Variants in SHQ1 observed in about 807,000 individuals in gnomAD.
SHQ1 encodes SHQ1, H/ACA ribonucleoprotein assembly factor.
Under a neutral mutation model 53.8 loss-of-function variants are expected in SHQ1, and 49 were observed. That is an observed-to-expected ratio of 0.91 (90% CI 0.72 to 1.16). The LOEUF (loss-of-function observed/expected upper bound fraction) is 1.16. Ranked by LOEUF, SHQ1 falls within the 50% of genes most tolerant of loss-of-function variation. The probability of loss-of-function intolerance (pLI) is 0.00; values close to 1 mark genes in which losing one functional copy is unlikely to be tolerated. For synonymous variants in SHQ1, 243 were observed against 251.0 expected (o/e 0.97, Z 0.30); for missense variants, 738 against 683.1 (o/e 1.08, Z -0.90).
rs1217287943 is a variant in SHQ1 at position 72,841,219 on chromosome 3, AT to A, written c.332-21del. ...AAGCACCTGAATGTGTTAAATTTTA[AT>A]TTTTTTTAAGTATTGGATTTAAGTA... On this transcript the variant is annotated intron_variant, in intron 3 of 10. Transcript: ENST00000325599. The A allele has an allele frequency of 9.4e-6, 15 of 1,588,548 alleles. No homozygotes were observed. Among genetic ancestry groups the A allele is most frequent in the South Asian group, 2.3e-5 (2 of 86,110 alleles).
At chr3:72,765,559 T>A (rs56213009) in intron 10 of SHQ1, among the ~76,000 whole-genome samples, 1,319 of 98,602 alleles carry the variant, frequency 0.013, 10 homozygotes, top group African/African-American at 0.041. Flanking sequence ...ATATATATAT[T>A]TTTTTTTTTT....
At chr3:72,848,094 A>C (rs1708407710) in intron 1 of SHQ1, 104 bp downstream of exon 1, 1 of 1,390,638 alleles carries the variant, frequency 7.2e-7, no homozygotes, top group South Asian at 1.3e-5. Context: ...CGTCGGGAAA[A>C]GGCATTCGCG....
chr3:72,845,229 A>T (rs1708294266), intron 1 of SHQ1, among the ~76,000 whole-genome samples: 1 of 152,200 alleles, frequency 6.6e-6, no homozygotes. Flanking sequence ...TACGCCTGTA[A>T]TCCTAGCACT....
At chr3:72,778,040 C>T (rs558574852) in intron 10 of SHQ1, among the ~76,000 whole-genome samples, 70 of 152,092 alleles carry the variant, frequency 4.6e-4, no homozygotes, top group Non-Finnish European at 7.2e-4. Flanking sequence ...AATGGTAAAA[C>T]TATATGGAAA....
Position 72,751,529 on chromosome 3 carries a change from T to TATATATATAC in SHQ1, c.1182-694_1182-693insGTATATATAT, listed in dbSNP as rs1491584090. ...GTGTGTATATATATATATATATATA[T>TATATATATAC]ACATATACATACACTAATAAAGCCT... On this transcript the variant is annotated intron_variant, in intron 10 of 10. Coordinates refer to ENST00000325599, the MANE Select transcript of SHQ1 (RefSeq NM_018130.3). Among the ~76,000 whole-genome samples the TATATATATAC allele has an allele frequency of 1.9e-3, 263 of 137,976 alleles. 4 individuals are homozygous for TATATATATAC. The highest frequency in any genetic ancestry group is 3.6e-3 in the Middle Eastern group (1 of 278). 90.5% of individuals were successfully genotyped at this position (137,976 alleles called of 152,430 possible).
chr3:72,780,105 T>C lies in SHQ1; in HGVS notation c.1181+12811A>G, dbSNP rs528046900. Among the ~76,000 whole-genome samples the C allele has an allele frequency of 3.3e-5, 5 of 152,304 alleles. No homozygotes were observed. The East Asian group carries it at 7.7e-4, about 24-fold the overall frequency. On this transcript the variant is annotated intron_variant, in intron 10 of 10. Coordinates refer to ENST00000325599, the MANE Select transcript of SHQ1 (RefSeq NM_018130.3). ...AAAATATTTAATTTTTTAAAAAAGG[T>C]ATGATAAGCCTTACTTACCAGGCAA...
chr3:72,797,247 C>A (rs756245048), intron 9 of SHQ1, among the ~76,000 whole-genome samples: 7 of 151,724 alleles, frequency 4.6e-5, no homozygotes, highest in Non-Finnish European at 5.9e-5. Flanking sequence ...GACTTGAGAG[C>A]GAGACTCCAT....
chr3:72,750,915 A>C, intron 10 of SHQ1, 79 bp from the exon 11 acceptor site: 1 of 1,227,596 alleles, frequency 8.1e-7, no homozygotes. Context: ...GCTTCCAAAA[A>C]AATAAAGTTG....
chr3:72,841,345 G>A (rs1177275464), intron 3 of SHQ1, 146 bp from the exon 4 acceptor site: 13 of 550,698 alleles, frequency 2.4e-5, no homozygotes, highest in African/African-American at 1.8e-4. Flanking sequence ...TCCGCTATTC[G>A]TGACAGCAAA....
intron 5 of SHQ1, among the ~76,000 whole-genome samples, chr3:72,831,562 T>C (rs531953732): frequency 6.6e-6 from 1 of 152,344 alleles, no homozygotes; most frequent in African/African-American, 2.4e-5. Flanking sequence ...ATTATAGCTA[T>C]ATATGTAACA....
chr3:72,842,857 T>C (rs1048879409), intron 2 of SHQ1, among the ~76,000 whole-genome samples: 1 of 151,660 alleles, frequency 6.6e-6, no homozygotes, highest in African/African-American at 2.4e-5. Context: ...AGGCGGATCA[T>C]GAGGTCAAGA....
intron 6 of SHQ1, among the ~76,000 whole-genome samples, chr3:72,823,464 C>A (rs1291595807): frequency 6.6e-6 from 1 of 152,100 alleles, no homozygotes; most frequent in African/African-American, 2.4e-5. Context: ...AAGAAGGCCA[C>A]TATATATACT....
intron 5 of SHQ1, among the ~76,000 whole-genome samples, chr3:72,826,501 G>A (rs997003911): frequency 3.3e-5 from 5 of 152,212 alleles, no homozygotes; most frequent in African/African-American, 1.2e-4. Context: ...CATGATCCAT[G>A]TTAGGCACTG....
At chr3:72,758,567 CTTTTTTTT>C (rs869225766) in intron 10 of SHQ1, among the ~76,000 whole-genome samples, 3 of 126,114 alleles carry the variant, frequency 2.4e-5, no homozygotes, top group South Asian at 2.6e-4. Flanking sequence ...ACTATTTTTT[CTTTTTTTT>C]TTTTTTTTTT....
At chr3:72,802,818 A>G (rs1366458932) in intron 9 of SHQ1, among the ~76,000 whole-genome samples, 2 of 151,982 alleles carry the variant, frequency 1.3e-5, no homozygotes, top group Admixed American at 6.6e-5. Flanking sequence ...AAATCCTATC[A>G]CTCATCTCCT....
chr3:72,799,688 T>G (rs1287598563), intron 9 of SHQ1, among the ~76,000 whole-genome samples: 7 of 152,238 alleles, frequency 4.6e-5, no homozygotes, highest in African/African-American at 1.4e-4. Flanking sequence ...AATTACTATT[T>G]TGAGCACAAA....
At chr3:72,738,869 C>A in the SHQ1 span, among the ~76,000 whole-genome samples, 2 of 152,136 alleles carry the variant, frequency 1.3e-5, no homozygotes, top group Admixed American at 1.3e-4. Flanking sequence ...CCGCCCGGTC[C>A]GCGCGCACGC....
chr3:72,763,056 CACACACAGAG>C lies in SHQ1; in HGVS notation c.1182-12230_1182-12221del, dbSNP rs760025019. Among the ~76,000 whole-genome samples the C allele has an allele frequency of 8.8e-3, 1,156 of 131,092 alleles. 17 individuals carry two copies. Among genetic ancestry groups the C allele is most frequent in the African/African-American group, 0.031 (1,081 of 35,362 alleles). 86.0% of individuals were successfully genotyped at this position (131,092 alleles called of 152,430 possible). On this transcript the variant is annotated intron_variant, in intron 10 of 10. Transcript: ENST00000325599. The stretch of plus-strand genomic sequence containing the variant: ...ACACACACACACACACACACACACA[CACACACAGAG>C]AGAGAGAGAGAGAGAGAGAGAAATG...
chr3:72,827,347 A>G (rs1466310652), intron 5 of SHQ1, among the ~76,000 whole-genome samples: 2 of 152,078 alleles, frequency 1.3e-5, no homozygotes, highest in African/African-American at 4.8e-5. Context: ...AACCAAGAAG[A>G]GGATAAAATT....
Sources: gnomAD v4.1 joint callset for allele counts (sites outside exome capture counted in the v4.1 genomes callset) on GRCh38, gnomAD v4.1.1 for gene constraint, MANE v1.5 for transcripts, NCBI Gene and HGNC (gene_info 2026-07-23, HGNC 2026-07-21) for gene names.